The following MAPK10 variants were observed in gnomAD, a reference collection of about 807,000 sequenced individuals.
MAPK10 encodes JNK3 alpha protein kinase.
MAPK10 carries 25 observed loss-of-function variants against 59.3 expected under a neutral mutation model. That is an observed-to-expected ratio of 0.42 (90% confidence interval 0.31 to 0.59). MAPK10 has a LOEUF of 0.59. Ranked by LOEUF, MAPK10 falls within the 20% of genes least tolerant of loss-of-function variation. The probability of loss-of-function intolerance (pLI) is 0.15; values close to 1 mark genes in which losing one functional copy is unlikely to be tolerated. For synonymous variants in MAPK10, 190 were observed against 200.5 expected (o/e 0.95, Z 0.44); for missense variants, 351 against 568.9 (o/e 0.62, Z 3.90).
intron 1 of MAPK10, among the ~76,000 whole-genome samples, chr4:86,382,918 T>G (rs1438881385): frequency 6.6e-6 from 1 of 152,226 alleles, no homozygotes; most frequent in Non-Finnish European, 1.5e-5. Context: ...TGACTTGCTG[T>G]GTGACCTTGA....
At chr4:86,328,404 G>A (rs548724496) in intron 2 of MAPK10, among the ~76,000 whole-genome samples, 2 of 152,296 alleles carry the variant, frequency 1.3e-5, no homozygotes, top group Admixed American at 6.5e-5. Flanking sequence ...CTGTTCGTGG[G>A]AATGTAAATT....
At chr4:86,145,306 G>C (rs549050079) in intron 4 of MAPK10, among the ~76,000 whole-genome samples, 1 of 88,180 alleles carries the variant, frequency 1.1e-5, no homozygotes, top group East Asian at 2.8e-4. Context: ...AGCTTGCAGT[G>C]AGCCGAGATC....
intron 12 of MAPK10, 69 bp downstream of exon 12, chr4:86,031,299 G>C (rs2038963342): frequency 8.9e-6 from 10 of 1,119,348 alleles, no homozygotes; most frequent in Non-Finnish European, 1.3e-5. Flanking sequence ...GTTTTACAAG[G>C]AAAAGCCTTG....
chr4:86,281,743 C>A (rs978688276), intron 2 of MAPK10, among the ~76,000 whole-genome samples: 1 of 151,886 alleles, frequency 6.6e-6, no homozygotes, highest in African/African-American at 2.4e-5. Context: ...TTGCCCAGAA[C>A]ACAAGTTTTT....
intron 11 of MAPK10, among the ~76,000 whole-genome samples, chr4:86,040,417 T>C (rs2041276305): frequency 6.6e-6 from 1 of 152,070 alleles, no homozygotes. Flanking sequence ...TTTGTAGCCT[T>C]GAAGACAAGT....
intron 4 of MAPK10, among the ~76,000 whole-genome samples, chr4:86,115,028 G>A (rs536225435): frequency 6.6e-6 from 1 of 152,346 alleles, no homozygotes; most frequent in South Asian, 2.1e-4. Flanking sequence ...CACCAGCAGC[G>A]TAAAATGGCC....
intron 2 of MAPK10, among the ~76,000 whole-genome samples, chr4:86,197,102 C>G (rs544278586): frequency 6.6e-6 from 1 of 152,198 alleles, no homozygotes; most frequent in South Asian, 2.1e-4. Flanking sequence ...TGAAGAAAGT[C>G]AATGGTAGCT....
At chr4:86,509,719 T>C (rs1399749757) in intron 1 of MAPK10, among the ~76,000 whole-genome samples, 1 of 152,168 alleles carries the variant, frequency 6.6e-6, no homozygotes, top group East Asian at 1.9e-4. Flanking sequence ...TACCTAAAAA[T>C]TTTGGTCCAC....
chr4:86,507,660 AT>A (rs1755891729), intron 1 of MAPK10, among the ~76,000 whole-genome samples: 4 of 109,524 alleles, frequency 3.7e-5, no homozygotes, highest in African/African-American at 1.5e-4. Flanking sequence ...ATATATATAT[AT>A]ATATATATAT....
chr4:86,470,373 T>C (rs947901636), intron 1 of MAPK10, among the ~76,000 whole-genome samples: 1 of 152,210 alleles, frequency 6.6e-6, no homozygotes, highest in African/African-American at 2.4e-5. Context: ...ATTTTTATCA[T>C]ACAAGATTGT....
intron 1 of MAPK10, among the ~76,000 whole-genome samples, chr4:86,385,550 A>G (rs1741345815): frequency 6.6e-6 from 1 of 152,224 alleles, no homozygotes; most frequent in South Asian, 2.1e-4. Context: ...TAAATTAATC[A>G]TATATCTTTA....
chr4:86,044,587 A>C (rs562373186), intron 11 of MAPK10: 42 of 394,092 alleles, frequency 1.1e-4, no homozygotes, highest in Admixed American at 2.2e-4. Context: ...GTAGAATACA[A>C]TGATTTCTGG....
chr4:86,490,855 C>T (rs974864000), intron 1 of MAPK10, among the ~76,000 whole-genome samples: 2 of 152,192 alleles, frequency 1.3e-5, no homozygotes, highest in Admixed American at 6.5e-5. Context: ...TACCAGTCAG[C>T]TCCAACTTAA....
Position 86,035,571 on chromosome 4 carries a change from TA to T in MAPK10, c.1111-4141del, listed in dbSNP as rs559329707. On this transcript the variant is annotated intron_variant, in intron 11 of 13. Coordinates refer to ENST00000641462, the MANE Select transcript of MAPK10 (RefSeq NM_138982.4). Reference sequence around the variant, plus strand: ...AAATATTGAAAGTTCTGACTGCGGTTAAAAAAAAAAAAAGATGAGGGTGAAC... The same window carrying T: ...AAATATTGAAAGTTCTGACTGCGGTTAAAAAAAAAAAAGATGAGGGTGAAC... 7.2e-3 allele frequency among the ~76,000 whole-genome samples: 1,015 copies of T among 140,320 alleles called. 3 individuals carry two copies. The highest frequency in any genetic ancestry group is 0.021 in the Middle Eastern group (6 of 282). 92.1% of individuals were successfully genotyped at this position (140,320 alleles called of 152,430 possible).
intron 2 of MAPK10, among the ~76,000 whole-genome samples, chr4:86,274,373 C>T (rs2094513896): frequency 6.6e-6 from 1 of 151,762 alleles, no homozygotes; most frequent in African/African-American, 2.4e-5. Flanking sequence ...ATTCAGCAAC[C>T]AGAAGTAATT....
At chr4:86,479,066 C>G (rs945830949) in intron 1 of MAPK10, among the ~76,000 whole-genome samples, 1 of 152,116 alleles carries the variant, frequency 6.6e-6, no homozygotes, top group Non-Finnish European at 1.5e-5. Context: ...ACCTCTTGGT[C>G]TTGGTAGACA....
At chr4:86,430,212 T>C (rs887615076) in intron 1 of MAPK10, among the ~76,000 whole-genome samples, 2 of 152,160 alleles carry the variant, frequency 1.3e-5, no homozygotes, top group Admixed American at 1.3e-4. Flanking sequence ...CAAGAATAAT[T>C]ATTGATTGAA....
intron 1 of MAPK10, among the ~76,000 whole-genome samples, chr4:86,512,386 C>G (rs79059903): frequency 1.3e-5 from 2 of 152,074 alleles, no homozygotes; most frequent in East Asian, 3.9e-4. Flanking sequence ...TATTTGAGAA[C>G]GTGCATAGAA....
intron 1 of MAPK10, among the ~76,000 whole-genome samples, chr4:86,562,639 G>A (rs1197940575): frequency 6.6e-6 from 1 of 151,900 alleles, no homozygotes; most frequent in African/African-American, 2.4e-5. Context: ...AGGCTGCAGT[G>A]AGCTGTGATC....
Sources: gnomAD v4.1 joint callset for allele counts (sites outside exome capture counted in the v4.1 genomes callset) on GRCh38, gnomAD v4.1.1 for gene constraint, MANE v1.5 for transcripts, NCBI Gene and HGNC (gene_info 2026-07-23, HGNC 2026-07-21) for gene names.